Variants in SLC10A7 observed in about 807,000 individuals in gnomAD.
SLC10A7 encodes the protein solute carrier family 10 member 7.
Under a neutral mutation model 43.2 loss-of-function variants are expected in SLC10A7, and 29 were observed. The observed-to-expected ratio is 0.67, with a 90% CI of 0.50 to 0.92. SLC10A7 has a LOEUF of 0.92. Among genes scored for constraint, SLC10A7 ranks in the 40% least tolerant of loss-of-function variants. SLC10A7 has a pLI of 0.00. For missense variants in SLC10A7, 295 were observed against 403.2 expected, an observed-to-expected ratio of 0.73 and a Z score of 2.30; for synonymous variants, 152 against 144.8, an observed-to-expected ratio of 1.05 and a Z score of -0.35.
chr4:146,258,394 A>G (rs576358444), intron 11 of SLC10A7, among the ~76,000 whole-genome samples: 85 of 152,328 alleles, frequency 5.6e-4, no homozygotes, highest in South Asian at 1.5e-3. Flanking sequence ...TATTTGGAGT[A>G]TATTTACTGA....
intron 5 of SLC10A7, among the ~76,000 whole-genome samples, chr4:146,437,897 T>G (rs774435438): frequency 6.6e-6 from 1 of 152,080 alleles, no homozygotes; most frequent in Admixed American, 6.6e-5. Context: ...ATTTCTCTAA[T>G]GTTTTATAGC....
At chr4:146,427,679 G>C (rs1399771073) in intron 5 of SLC10A7, among the ~76,000 whole-genome samples, 1 of 152,140 alleles carries the variant, frequency 6.6e-6, no homozygotes. Context: ...GAAGAAAAGA[G>C]GGAAAAGAAA....
At chr4:146,327,021 CCAGA>C (rs777031554) in intron 5 of SLC10A7, among the ~76,000 whole-genome samples, 1 of 149,392 alleles carries the variant, frequency 6.7e-6, no homozygotes, top group Non-Finnish European at 1.5e-5. Context: ...TACTATATAT[CCAGA>C]CAGTGTCCAA....
intron 10 of SLC10A7, among the ~76,000 whole-genome samples, chr4:146,267,082 T>C (rs1286264848): frequency 2.0e-5 from 3 of 152,056 alleles, no homozygotes; most frequent in Non-Finnish European, 4.4e-5. Context: ...CAAAGAGCAA[T>C]TGCACCCAAT....
chr4:146,419,966 A>G (rs1728837637), intron 5 of SLC10A7, among the ~76,000 whole-genome samples: 2 of 152,228 alleles, frequency 1.3e-5, no homozygotes, highest in African/African-American at 4.8e-5. Context: ...TTTTTAACAT[A>G]ATGAATACTA....
At chr4:146,368,846 A>G (rs554177864) in intron 5 of SLC10A7, among the ~76,000 whole-genome samples, 18 of 152,346 alleles carry the variant, frequency 1.2e-4, no homozygotes, top group Non-Finnish European at 5.9e-5. Flanking sequence ...GTCACATGTA[A>G]AAACAAAGAC....
chr4:146,293,955 G>A lies in SLC10A7; in HGVS notation c.696C>T (p.Phe232=), dbSNP rs1193552697. 6.2e-7 allele frequency: 1 copy of A among 1,612,860 alleles called. No homozygotes were observed. Among genetic ancestry groups the A allele is most frequent in the Non-Finnish European group, 8.5e-7 (1 of 1,179,298 alleles). Residue 232 remains phenylalanine (F), a synonymous_variant, in exon 8 of 12, where the codon TTC becomes TTT. Transcript: ENST00000335472. ...FSNPNIDLDK[F]SLVLILFIIF... ...TTATGAACAGTATGAGAACAAGGCT[G>A]AATTTATCCAGGTCAATATTTGGGT...
At chr4:146,387,644 C>G (rs1738108395) in intron 5 of SLC10A7, among the ~76,000 whole-genome samples, 1 of 152,182 alleles carries the variant, frequency 6.6e-6, no homozygotes, top group African/African-American at 2.4e-5. Flanking sequence ...CAGATTATCT[C>G]TGTTCACTGA....
chr4:146,324,293 T>C (rs1057233577), intron 6 of SLC10A7, among the ~76,000 whole-genome samples: 7 of 152,166 alleles, frequency 4.6e-5, no homozygotes, highest in African/African-American at 1.7e-4. Flanking sequence ...AAGCTACCAA[T>C]GACTTTCTTC....
chr4:146,348,670 A>C (rs531527758), intron 5 of SLC10A7, among the ~76,000 whole-genome samples: 1 of 152,310 alleles, frequency 6.6e-6, no homozygotes, highest in East Asian at 1.9e-4. Context: ...GTATCATTTA[A>C]ATTTATGTAA....
At chr4:146,261,040 A>G (rs1728190552) in intron 10 of SLC10A7, among the ~76,000 whole-genome samples, 2 of 152,100 alleles carry the variant, frequency 1.3e-5, no homozygotes, top group Admixed American at 1.3e-4. Context: ...CCTTCTTTGG[A>G]CCCTAATGTC....
At chr4:146,515,259 G>A (rs998900391) in intron 2 of SLC10A7, 1 of 673,144 alleles carries the variant, frequency 1.5e-6, no homozygotes, top group African/African-American at 1.8e-5. Flanking sequence ...CCCAAGTAAA[G>A]GACTTGGGTT....
At chr4:146,373,710 A>T (rs1330342518) in intron 5 of SLC10A7, among the ~76,000 whole-genome samples, 3 of 152,212 alleles carry the variant, frequency 2.0e-5, no homozygotes, top group East Asian at 1.9e-4. Context: ...GATTTTTAAA[A>T]ATACTAATAT....
rs553382159 is a variant in SLC10A7, at chr4:146,450,896, C to T, written c.397-8075G>A. 1.2e-4 allele frequency among the ~76,000 whole-genome samples: 18 copies of T among 152,034 alleles called. No individual in the cohort carries two copies. The South Asian group carries it at 2.7e-3, about 23-fold the overall frequency. ...GAACAGAGTGGATTACCAGATAACA[C>T]AACCTCCACTGAAGAAATGTTAACA... On this transcript the variant is annotated intron_variant, in intron 4 of 11. Coordinates refer to ENST00000335472, the MANE Select transcript of SLC10A7 (RefSeq NM_001029998.6).
chr4:146,262,842 A>G (rs1171667302), intron 10 of SLC10A7, among the ~76,000 whole-genome samples: 1 of 152,222 alleles, frequency 6.6e-6, no homozygotes, highest in Non-Finnish European at 1.5e-5. Context: ...GACCAGAGTG[A>G]ACATTCTAAA....
At chr4:146,452,149 G>A (rs1731657375) in intron 4 of SLC10A7, among the ~76,000 whole-genome samples, 1 of 152,082 alleles carries the variant, frequency 6.6e-6, no homozygotes, top group African/African-American at 2.4e-5. Flanking sequence ...TCTAAAATAT[G>A]AGCTTGAGTA....
chr4:146,326,128 AG>A lies in SLC10A7; in HGVS notation c.436-133del, dbSNP rs1733088105. ...GTTTAATAAAATCTAGGAGATAAAG[AG>A]GGGAGAGTCCCAATCTTAGCTTTCT... On this transcript the variant is annotated intron_variant, in intron 5 of 11. Transcript: ENST00000335472. 6 of 686,250 alleles carry A rather than the reference AG, an allele frequency of 8.7e-6. No individual in the cohort carries two copies. The East Asian group carries it at 1.4e-4, about 16-fold the overall frequency. The allele number at this position is 686,250 out of a possible 1,614,324, so 42.5% of individuals were successfully genotyped here. A position where few individuals can be genotyped will look rare whatever the true frequency, so the allele number is the denominator to read the frequency against.
At chr4:146,411,711 C>T (rs764341093) in intron 5 of SLC10A7, among the ~76,000 whole-genome samples, 4 of 151,932 alleles carry the variant, frequency 2.6e-5, no homozygotes, top group Admixed American at 6.6e-5. Flanking sequence ...TTAGTGTTTT[C>T]ATTATATTAA....
chr4:146,341,364 A>G (rs1053728064), intron 5 of SLC10A7, among the ~76,000 whole-genome samples: 2 of 151,734 alleles, frequency 1.3e-5, no homozygotes, highest in African/African-American at 4.8e-5. Context: ...AATAGGCAAA[A>G]CCAAACCCCC....
Sources: gnomAD v4.1 joint callset for allele counts (sites outside exome capture counted in the v4.1 genomes callset) on GRCh38, gnomAD v4.1.1 for gene constraint, MANE v1.5 for transcripts, NCBI Gene and HGNC (gene_info 2026-07-23, HGNC 2026-07-21) for gene names.